The following PPP6R3 variants were observed in gnomAD, a reference collection of about 807,000 sequenced individuals.
PPP6R3 encodes the protein serine/threonine-protein phosphatase 6 regulatory subunit 3.
PPP6R3 carries 38 observed loss-of-function variants against 110.7 expected under a neutral mutation model. The observed-to-expected ratio is 0.34, with a 90% confidence interval of 0.26 to 0.45. PPP6R3 has a LOEUF of 0.45. Ranked by LOEUF, PPP6R3 falls within the 20% of genes least tolerant of loss-of-function variation. The probability of loss-of-function intolerance (pLI) is 1.00; values close to 1 mark genes in which losing one functional copy is unlikely to be tolerated. For missense variants in PPP6R3, 870 were observed against 1,062.4 expected, an observed-to-expected ratio of 0.82 and a Z score of 2.52; for synonymous variants, 369 against 373.5, an observed-to-expected ratio of 0.99 and a Z score of 0.14.
chr11:68,508,053 A>G (rs543650074), intron 1 of PPP6R3, among the ~76,000 whole-genome samples: 3 of 141,532 alleles, frequency 2.1e-5, no homozygotes, highest in South Asian at 2.2e-4. Context: ...AAAAAAAAAA[A>G]TTTATATGAG....
At chr11:68,609,822 C>T (rs1942442768) in intron 22 of PPP6R3, 82 bp from the exon 23 acceptor site, 2 of 1,597,948 alleles carry the variant, frequency 1.3e-6, no homozygotes, top group Non-Finnish European at 1.7e-6. Flanking sequence ...ACTCCAGAGC[C>T]ATCTGCATGT....
chr11:68,476,814 G>T (rs1234031954), intron 1 of PPP6R3, among the ~76,000 whole-genome samples: 1 of 151,974 alleles, frequency 6.6e-6, no homozygotes, highest in Non-Finnish European at 1.5e-5. Context: ...TTGAGCCCAG[G>T]AGTTTGAGAC....
intron 1 of PPP6R3, among the ~76,000 whole-genome samples, chr11:68,476,553 C>G (rs1397595832): frequency 6.6e-6 from 1 of 152,088 alleles, no homozygotes; most frequent in African/African-American, 2.4e-5. Flanking sequence ...CTTATATGTA[C>G]ATACATATCT....
intron 1 of PPP6R3, among the ~76,000 whole-genome samples, chr11:68,473,937 T>C (rs1303180306): frequency 1.3e-5 from 2 of 152,208 alleles, no homozygotes; most frequent in East Asian, 3.8e-4. Flanking sequence ...TGTTGGATAA[T>C]GTGGTAACTT....
At chr11:68,501,129 C>A (rs2099046689) in intron 1 of PPP6R3, among the ~76,000 whole-genome samples, 1 of 152,186 alleles carries the variant, frequency 6.6e-6, no homozygotes, top group Admixed American at 6.5e-5. Context: ...GCTGGCTTTC[C>A]TTCTCTTGTT....
At position 68,476,309 on chromosome 11, in the gene PPP6R3, G is replaced by C. The variant is rs532711076; in HGVS notation, c.-158+15482G>C. On this transcript the variant is annotated intron_variant, in intron 1 of 23. Coordinates refer to ENST00000393800, the MANE Select transcript of PPP6R3 (RefSeq NM_001164161.2). ...AACCCCGTCTCCACCAAAAAAATAC[G>C]AAAACCAGTCAGGCGTGGCGGCGCA... 9.0e-3 allele frequency among the ~76,000 whole-genome samples: 1,369 copies of C among 152,238 alleles called. 20 individuals are homozygous for C. Among genetic ancestry groups the C allele is most frequent in the African/African-American group, 0.032 (1,312 of 41,538 alleles).
chr11:68,586,218 T>C (rs2099578076), intron 15 of PPP6R3: 1 of 152,216 alleles, frequency 6.6e-6, no homozygotes, highest in Admixed American at 6.5e-5. Context: ...TCATGCTGCT[T>C]ACTCAACAGA....
At chr11:68,468,374 C>T (rs1291092961) in intron 1 of PPP6R3, among the ~76,000 whole-genome samples, 2 of 152,196 alleles carry the variant, frequency 1.3e-5, no homozygotes, top group Admixed American at 6.5e-5. Flanking sequence ...GGACAATGGA[C>T]AGGTCTCATC....
At chr11:68,605,469 T>C (rs1939101125) in intron 22 of PPP6R3, among the ~76,000 whole-genome samples, 1 of 152,162 alleles carries the variant, frequency 6.6e-6, no homozygotes, top group African/African-American at 2.4e-5. Flanking sequence ...ATAGTGATTA[T>C]CCACATAGTA....
intron 1 of PPP6R3, among the ~76,000 whole-genome samples, chr11:68,483,258 G>A (rs2098926917): frequency 6.6e-6 from 1 of 152,152 alleles, no homozygotes; most frequent in Non-Finnish European, 1.5e-5. Context: ...TTCTATAAAT[G>A]ACCAATTATT....
At chr11:68,523,714 C>A (rs1328764842) in intron 2 of PPP6R3, among the ~76,000 whole-genome samples, 1 of 140,202 alleles carries the variant, frequency 7.1e-6, no homozygotes, top group Non-Finnish European at 1.5e-5. Flanking sequence ...CCTGCCCCCC[C>A]CCCCCCCTTT....
intron 1 of PPP6R3, among the ~76,000 whole-genome samples, chr11:68,486,600 TC>T (rs2098949074): frequency 7.9e-6 from 1 of 126,958 alleles, no homozygotes; most frequent in Non-Finnish European, 1.6e-5. Context: ...CAAGACTCTG[TC>T]TTAAAAAAAA....
chr11:68,581,922 G>T (rs746240884), intron 14 of PPP6R3, among the ~76,000 whole-genome samples: 4 of 152,208 alleles, frequency 2.6e-5, no homozygotes, highest in Non-Finnish European at 5.9e-5. Flanking sequence ...TCCAGGCTTG[G>T]TGTCTTTACC....
chr11:68,583,166 T>G, intron 15 of PPP6R3, 37 bp downstream of exon 15: 3 of 1,425,968 alleles, frequency 2.1e-6, no homozygotes, highest in Non-Finnish European at 2.9e-6. Context: ...TTGTTTTTAT[T>G]TTAAATGCTT....
At chr11:68,466,923 T>G (rs1014957615) in intron 1 of PPP6R3, among the ~76,000 whole-genome samples, 1 of 150,390 alleles carries the variant, frequency 6.6e-6, no homozygotes, top group African/African-American at 2.5e-5. Flanking sequence ...ATTTTTTGTA[T>G]TTTTAGTAGA....
intron 12 of PPP6R3, among the ~76,000 whole-genome samples, chr11:68,573,114 T>TTATATATATATTTATATATA (rs2099514616): frequency 1.6e-5 from 1 of 61,796 alleles, no homozygotes; most frequent in Non-Finnish European, 2.7e-5. Flanking sequence ...TTTACTTATT[T>TTATATATATATTTATATATA]TATATATATA....
chr11:68,494,916 T>C (rs2099006775), intron 1 of PPP6R3, among the ~76,000 whole-genome samples: 1 of 152,212 alleles, frequency 6.6e-6, no homozygotes, highest in South Asian at 2.1e-4. Context: ...TCATCAGCTA[T>C]AAATGGAGTT....
At chr11:68,597,268 G>A (rs907920376) in intron 19 of PPP6R3, among the ~76,000 whole-genome samples, 19 of 152,298 alleles carry the variant, frequency 1.2e-4, no homozygotes, top group African/African-American at 4.6e-4. Flanking sequence ...AGGCAGGTGG[G>A]TATGAGGCTG....
rs949904020 is a variant in PPP6R3 at position 68,537,529 on chromosome 11, G to A, written c.-6-130G>A. On this transcript the variant is annotated intron_variant, in intron 2 of 23. Coordinates refer to ENST00000393800, the MANE Select transcript of PPP6R3 (RefSeq NM_001164161.2). ...CATTAAAAAGTATTTTATAGGTTCA[G>A]TGTGAAGCTTATTTAACTTATGTGA... 5 of 622,342 alleles carry A rather than the reference G, an allele frequency of 8.0e-6. No homozygotes were observed. In the African/African-American group the frequency reaches 9.3e-5, roughly 12 times the overall value. The allele number at this position is 622,342 out of a possible 1,614,324, so 38.6% of individuals were successfully genotyped here.
Sources: gnomAD v4.1 joint callset for allele counts (sites outside exome capture counted in the v4.1 genomes callset) on GRCh38, gnomAD v4.1.1 for gene constraint, MANE v1.5 for transcripts, NCBI Gene and HGNC (gene_info 2026-07-23, HGNC 2026-07-21) for gene names.